The following IGFBP7 variants were observed in gnomAD, a reference collection of about 807,000 sequenced individuals.
The protein encoded by IGFBP7 is insulin-like growth factor-binding protein 7.
A neutral mutation model predicts 29.4 loss-of-function variants in IGFBP7; 31 were observed. That is an observed-to-expected ratio of 1.05 (90% CI 0.79 to 1.42). The LOEUF (loss-of-function observed/expected upper bound fraction) is 1.42, where lower values mean the gene tolerates loss of function less well. Ranked by LOEUF, IGFBP7 falls within the 40% of genes most tolerant of loss-of-function variation. The probability of loss-of-function intolerance (pLI) is 0.00; values close to 1 mark genes in which losing one functional copy is unlikely to be tolerated. For synonymous variants in IGFBP7, 172 were observed against 174.9 expected (o/e 0.98, Z 0.13); for missense variants, 393 against 395.5 (o/e 0.99, Z 0.05).
chr4:57,039,643 C>CTTTTTTTTTTTTT (rs10716496), intron 2 of IGFBP7, among the ~76,000 whole-genome samples: 1 of 128,672 alleles, frequency 7.8e-6, no homozygotes, highest in Non-Finnish European at 1.6e-5. Flanking sequence ...AATTCACACT[C>CTTTTTTTTTTTTT]TTTTTTTTTT....
intron 1 of IGFBP7, among the ~76,000 whole-genome samples, chr4:57,061,386 A>G (rs1470574877): frequency 6.6e-6 from 1 of 152,228 alleles, no homozygotes; most frequent in Non-Finnish European, 1.5e-5. Flanking sequence ...GAGATTAACA[A>G]CAGCAACTAA....
intron 1 of IGFBP7, among the ~76,000 whole-genome samples, chr4:57,083,602 G>A (rs933935184): frequency 2.6e-5 from 4 of 152,112 alleles, no homozygotes; most frequent in African/African-American, 9.7e-5. Flanking sequence ...TTTTGTTTAT[G>A]GTTTTGGTTG....
intron 1 of IGFBP7, among the ~76,000 whole-genome samples, chr4:57,074,085 C>G (rs113991128): frequency 9.9e-5 from 15 of 152,014 alleles, no homozygotes; most frequent in African/African-American, 3.6e-4. Context: ...TTTTGAGACA[C>G]AGTCTCGCTG....
intron 1 of IGFBP7, among the ~76,000 whole-genome samples, chr4:57,053,753 T>C (rs1401189): frequency 0.24 from 35,914 of 152,028 alleles, 4,543 homozygotes; most frequent in East Asian, 0.34. Context: ...TAGAGAGTGC[T>C]TTCCCGAGAC....
intron 1 of IGFBP7, among the ~76,000 whole-genome samples, chr4:57,061,117 G>A (rs995062165): frequency 8.5e-5 from 13 of 152,088 alleles, no homozygotes; most frequent in Admixed American, 2.6e-4. Context: ...GAGGAAATGG[G>A]CTTTCAGGCA....
At chr4:57,052,814 A>G (rs772222753) in intron 1 of IGFBP7, among the ~76,000 whole-genome samples, 43 of 152,096 alleles carry the variant, frequency 2.8e-4, no homozygotes, top group Non-Finnish European at 5.7e-4. Context: ...TGATGCTGAG[A>G]ATCTTCGTAG....
At chr4:57,093,031 C>T (rs1443991705) in intron 1 of IGFBP7, among the ~76,000 whole-genome samples, 2 of 151,902 alleles carry the variant, frequency 1.3e-5, no homozygotes, top group Non-Finnish European at 2.9e-5. Context: ...GAATGGAATA[C>T]AAAATATTAA....
Position 57,032,437 on chromosome 4 carries a change from G to A in IGFBP7, c.818C>T (p.Pro273Leu). 1 of 1,612,380 alleles carries A rather than the reference G, an allele frequency of 6.2e-7. No homozygotes were observed. ...GATTTATTGTGTACCTTTTTTCACT[G>A]GTATTTCATGTAAGGCATCAACCAC... ...ITVVDALHEI[P>L]VKKGEGAEL The change falls in exon 4 of 5, where the codon CCA becomes CTA. Residue 273 changes from proline (P) to leucine (L), a missense_variant. By Grantham distance (98) the Pro-to-Leu change is moderately conservative. Transcript: ENST00000295666.
rs149969113 is a variant in IGFBP7, at chr4:57,047,291, T to C, written c.476-6358A>G. 1.8e-3 allele frequency among the ~76,000 whole-genome samples: 280 copies of C among 152,304 alleles called. 7 individuals are homozygous for C. In the East Asian group the frequency reaches 0.05, roughly 27 times the overall value. On this transcript the variant is annotated intron_variant, in intron 1 of 4. Transcript: ENST00000295666. Reference sequence around the variant, plus strand: ...GCACATGCTGTCCTGCCTGCTGCCATGTAAGATGTGACTTTGCTCCTCCTT... The same window carrying C: ...GCACATGCTGTCCTGCCTGCTGCCACGTAAGATGTGACTTTGCTCCTCCTT...
intron 1 of IGFBP7, among the ~76,000 whole-genome samples, chr4:57,049,856 A>G (rs1041931514): frequency 9.8e-5 from 15 of 152,302 alleles, no homozygotes; most frequent in African/African-American, 3.6e-4. Flanking sequence ...ACAACATAAC[A>G]TGATTAGCCA....
chr4:57,104,978 C>G (rs941960755), intron 1 of IGFBP7, among the ~76,000 whole-genome samples: 1 of 152,006 alleles, frequency 6.6e-6, no homozygotes, highest in African/African-American at 2.4e-5. Flanking sequence ...TATGATATGC[C>G]CAATTATTAG....
At chr4:57,041,992 C>T (rs941141656) in intron 1 of IGFBP7, among the ~76,000 whole-genome samples, 10 of 152,156 alleles carry the variant, frequency 6.6e-5, no homozygotes, top group Non-Finnish European at 1.3e-4. Flanking sequence ...GGGCCCTTTC[C>T]CAGCGTTCTC....
At position 57,110,361 on chromosome 4, in the gene IGFBP7, C is replaced by A. The variant is rs1468449176; in HGVS notation, c.-10G>T. The A allele has an allele frequency of 7.5e-7, 1 of 1,336,512 alleles. No individual in the cohort carries two copies. Among genetic ancestry groups the A allele is most frequent in the Non-Finnish European group, 9.6e-7 (1 of 1,044,204 alleles). The allele number at this position is 1,336,512 out of a possible 1,614,324, so 82.8% of individuals were successfully genotyped here. A position where few individuals can be genotyped will look rare whatever the true frequency, so the allele number is the denominator to read the frequency against. On this transcript the variant is annotated 5_prime_UTR_variant, in exon 1 of 5. Coordinates refer to ENST00000295666, the MANE Select transcript of IGFBP7 (RefSeq NM_001553.3). ...GCGACGGCCGCTCCATGGCGGGGTGCGGTGGCAGCGGCAAGGGCGCGAGTG... is the reference window on the plus strand; with the variant it reads ...GCGACGGCCGCTCCATGGCGGGGTGAGGTGGCAGCGGCAAGGGCGCGAGTG...
intron 1 of IGFBP7, among the ~76,000 whole-genome samples, chr4:57,085,498 C>T (rs186165038): frequency 1.0e-3 from 153 of 152,254 alleles, no homozygotes; most frequent in African/African-American, 3.6e-3. Flanking sequence ...ACCACATTTT[C>T]GAGTTATTCT....
At chr4:57,078,540 A>C (rs2109783853) in intron 1 of IGFBP7, among the ~76,000 whole-genome samples, 1 of 151,872 alleles carries the variant, frequency 6.6e-6, no homozygotes, top group African/African-American at 2.4e-5. Flanking sequence ...GTCTCCTCTT[A>C]GTCTTCAATG....
chr4:57,066,679 T>C (rs1447338983), intron 1 of IGFBP7, among the ~76,000 whole-genome samples: 1 of 152,054 alleles, frequency 6.6e-6, no homozygotes, highest in African/African-American at 2.4e-5. Context: ...TTCTCCTGCC[T>C]TAGCCTCCCA....
intron 1 of IGFBP7, among the ~76,000 whole-genome samples, chr4:57,067,383 T>C (rs1724944458): frequency 6.6e-6 from 1 of 152,208 alleles, no homozygotes; most frequent in Non-Finnish European, 1.5e-5. Context: ...TGAGATTAAC[T>C]TGTCATATGC....
At chr4:57,105,541 T>C (rs73242651) in intron 1 of IGFBP7, among the ~76,000 whole-genome samples, 11,652 of 152,324 alleles carry the variant, frequency 0.076, 583 homozygotes, top group South Asian at 0.13. Context: ...CTATGGATAA[T>C]ATTCATGACA....
At chr4:57,043,669 G>GCTT (rs1724285302) in intron 1 of IGFBP7, among the ~76,000 whole-genome samples, 2 of 152,150 alleles carry the variant, frequency 1.3e-5, no homozygotes, top group East Asian at 3.9e-4. Context: ...TACATTTCAT[G>GCTT]CTTCCTTCCC....
Sources: gnomAD v4.1 joint callset for allele counts (sites outside exome capture counted in the v4.1 genomes callset) on GRCh38, gnomAD v4.1.1 for gene constraint, MANE v1.5 for transcripts, NCBI Gene and HGNC (gene_info 2026-07-23, HGNC 2026-07-21) for gene names.